The following DNAJC10 variants were observed in gnomAD, a reference collection of about 807,000 sequenced individuals.
The protein encoded by DNAJC10 is endoplasmic reticulum disulfide reductase DNAJC10.
DNAJC10 carries 101 observed loss-of-function variants against 115.0 expected under a neutral mutation model. That is an observed-to-expected ratio of 0.88 (90% CI 0.75 to 1.04). DNAJC10 has a LOEUF of 1.04. Among genes scored for constraint, DNAJC10 ranks in the 50% least tolerant of loss-of-function variants. The pLI, the probability that DNAJC10 is intolerant of heterozygous loss-of-function variation, is 0.00. For missense variants in DNAJC10, 981 were observed against 928.8 expected (o/e 1.06, Z -0.73); for synonymous variants, 307 against 301.5 (o/e 1.02, Z -0.19).
chr2:182,732,842 T>A (rs1264209791), intron 10 of DNAJC10: 2 of 385,034 alleles, frequency 5.2e-6, no homozygotes, highest in Non-Finnish European at 9.3e-6. Flanking sequence ...CTTTATCTTT[T>A]GTTGTTTTCT....
intron 5 of DNAJC10, among the ~76,000 whole-genome samples, chr2:182,725,087 A>G (rs574492018): frequency 6.6e-6 from 1 of 152,092 alleles, no homozygotes; most frequent in East Asian, 1.9e-4. Context: ...AAACTTTTTC[A>G]TTATTATTCT....
chr2:182,728,949 A>G lies in DNAJC10; in HGVS notation c.588A>G (p.Lys196=). Residue 196 remains lysine (K), a synonymous_variant, in exon 7 of 24, where the codon AAA becomes AAG. Coordinates refer to ENST00000264065, the MANE Select transcript of DNAJC10 (RefSeq NM_018981.4). ...ATGATAGAATGCTTTGCCGAATGAA[A>G]GGAGTCAACAGCTATCCCAGCCTCT... is the stretch of plus-strand genomic sequence containing the variant. The part of the protein sequence containing the change: ...CGDDRMLCRM[K]GVNSYPSLFI... The G allele has an allele frequency of 1.2e-6, 2 of 1,614,074 alleles. No homozygotes were observed. Among genetic ancestry groups the G allele is most frequent in the Admixed American group, 3.3e-5 (2 of 60,024 alleles).
rs1255244612 is a variant in DNAJC10 at position 182,787,441 on chromosome 2, T to C, written c.*10309T>C. 6.6e-6 allele frequency: 1 copy of C among 152,230 alleles called. No individual in the cohort carries two copies. Among genetic ancestry groups the C allele is most frequent in the Non-Finnish European group, 1.5e-5 (1 of 68,046 alleles). 9.4% of individuals were successfully genotyped at this position (152,230 alleles called of 1,614,324 possible). On this transcript the variant is annotated 3_prime_UTR_variant, in exon 24 of 24. Coordinates refer to ENST00000264065, the MANE Select transcript of DNAJC10 (RefSeq NM_018981.4). ...TCAAGAAGTTTATACAAACCCGTAATGTACTACCAAACCGTTCATTCATTA... is the reference window on the plus strand; with the variant it reads ...TCAAGAAGTTTATACAAACCCGTAACGTACTACCAAACCGTTCATTCATTA...
intron 22 of DNAJC10, among the ~76,000 whole-genome samples, chr2:182,770,912 T>G (rs1049063314): frequency 6.6e-6 from 1 of 152,226 alleles, no homozygotes; most frequent in African/African-American, 2.4e-5. Flanking sequence ...GCTTCCAGTC[T>G]TTGCCCATTC....
chr2:182,776,610 A>T (rs903973107), intron 23 of DNAJC10, among the ~76,000 whole-genome samples: 2 of 152,208 alleles, frequency 1.3e-5, no homozygotes, highest in African/African-American at 4.8e-5. Flanking sequence ...ACTGTAATCC[A>T]GTTCAAACTG....
At chr2:182,770,415 A>G (rs1005065922) in intron 22 of DNAJC10, among the ~76,000 whole-genome samples, 8 of 152,098 alleles carry the variant, frequency 5.3e-5, no homozygotes, top group African/African-American at 1.7e-4. Context: ...CAGTATGGCC[A>G]TTTTCACATT....
At chr2:182,745,695 T>A (rs1373078883) in intron 14 of DNAJC10, among the ~76,000 whole-genome samples, 1 of 151,662 alleles carries the variant, frequency 6.6e-6, no homozygotes, top group Non-Finnish European at 1.5e-5. Flanking sequence ...AATTTTTATT[T>A]TTTTTTTTTA....
intron 11 of DNAJC10, among the ~76,000 whole-genome samples, chr2:182,737,318 C>A (rs1693609498): frequency 6.6e-6 from 1 of 152,038 alleles, no homozygotes; most frequent in African/African-American, 2.4e-5. Context: ...CTTAGTTTTC[C>A]CTCTGTACTT....
intron 22 of DNAJC10, among the ~76,000 whole-genome samples, chr2:182,766,602 A>C (rs1386038386): frequency 6.6e-6 from 1 of 152,140 alleles, no homozygotes; most frequent in Non-Finnish European, 1.5e-5. Context: ...CTAAGATGCA[A>C]CTAACTTTTC....
At chr2:182,731,213 A>G in intron 9 of DNAJC10, 106 bp downstream of exon 9, 2 of 695,914 alleles carry the variant, frequency 2.9e-6, no homozygotes, top group Admixed American at 6.1e-5. Flanking sequence ...TAGAAACTAC[A>G]ATTTATGCCC....
chr2:182,771,220 G>A (rs1694553947), intron 22 of DNAJC10, among the ~76,000 whole-genome samples: 1 of 150,608 alleles, frequency 6.6e-6, no homozygotes, highest in African/African-American at 2.4e-5. Flanking sequence ...GTATTTTATT[G>A]AGGATTTTCA....
In DNAJC10 at chr2:182,791,278, T is replaced by G. The variant is rs903639426; in HGVS notation, c.*14146T>G. 2.6e-5 allele frequency: 4 copies of G among 152,114 alleles called. No individual in the cohort carries two copies. Among genetic ancestry groups the G allele is most frequent in the African/African-American group, 9.7e-5 (4 of 41,422 alleles). The allele number at this position is 152,114 out of a possible 1,614,324, so 9.4% of individuals were successfully genotyped here. A position where few individuals can be genotyped will look rare whatever the true frequency, so the allele number is the denominator to read the frequency against. ...CAACAAAAACTAGTATGCCTTGGTG[T>G]GAATAAACCTTAACATAGAAACTCA... On this transcript the variant is annotated 3_prime_UTR_variant, in exon 24 of 24. Coordinates refer to ENST00000264065, the MANE Select transcript of DNAJC10 (RefSeq NM_018981.4).
At chr2:182,728,780 G>T in intron 6 of DNAJC10, 83 bp from the exon 7 acceptor site, 1 of 1,532,392 alleles carries the variant, frequency 6.5e-7, no homozygotes. Context: ...TAAATGTCTG[G>T]TTTAAAAATA....
At chr2:182,716,778 C>T (rs1226575440) in intron 1 of DNAJC10, among the ~76,000 whole-genome samples, 1 of 152,200 alleles carries the variant, frequency 6.6e-6, no homozygotes, top group African/African-American at 2.4e-5. Flanking sequence ...TACCCCTCTC[C>T]CCTCTCCCAC....
rs1695032295 is a variant in DNAJC10 at position 182,790,631 on chromosome 2, C to CAAAAAATACAAAA, written c.*13505_*13506insTACAAAAAAAAAA. The CAAAAAATACAAAA allele has an allele frequency of 2.7e-5, 4 of 149,340 alleles. No homozygotes were observed. In the Admixed American group the frequency reaches 2.7e-4, roughly 10 times the overall value. The allele number at this position is 149,340 out of a possible 1,614,324, so 9.3% of individuals were successfully genotyped here. A position where few individuals can be genotyped will look rare whatever the true frequency, so the allele number is the denominator to read the frequency against. On this transcript the variant is annotated 3_prime_UTR_variant, in exon 24 of 24. Transcript: ENST00000264065. Reference sequence around the variant, plus strand: ...TGAAACGCCGTCTCTACTAAAAATACAAAAAAAAATGGCCAGGCGTGGTGG... The same window carrying CAAAAAATACAAAA: ...TGAAACGCCGTCTCTACTAAAAATACAAAAAATACAAAAAAAAAAAAATGGCCAGGCGTGGTGG...
In DNAJC10 at chr2:182,727,474, A is replaced by C. The variant is rs79329982; in HGVS notation, c.419-1102A>C. ...TTGTACTGGTTTGTGGTCTAAACCA[A>C]TATGGCAATTTTTTCGACCACCTCT... On this transcript the variant is annotated intron_variant, in intron 5 of 23. Coordinates refer to ENST00000264065, the MANE Select transcript of DNAJC10 (RefSeq NM_018981.4). Among the ~76,000 whole-genome samples the C allele has an allele frequency of 3.9e-5, 6 of 152,342 alleles. No homozygotes were observed. The East Asian group carries it at 1.2e-3, about 29-fold the overall frequency.
intron 18 of DNAJC10, among the ~76,000 whole-genome samples, 170 bp from the exon 19 acceptor site, chr2:182,757,522 A>G (rs1694187088): frequency 6.6e-6 from 1 of 152,204 alleles, no homozygotes; most frequent in Non-Finnish European, 1.5e-5. Flanking sequence ...TAGATTACAA[A>G]TTCATTAGTA....
rs1417389131 is a variant in DNAJC10, at chr2:182,793,630, T to C, written c.*16498T>C. On this transcript the variant is annotated 3_prime_UTR_variant, in exon 24 of 24. Transcript: ENST00000264065. Reference sequence around the variant, plus strand: ...CTCCAAATAAGGCAAGTTGGCAGCATGCAATTGGCTGTGACCTATCTGTTA... The same window carrying C: ...CTCCAAATAAGGCAAGTTGGCAGCACGCAATTGGCTGTGACCTATCTGTTA... 1 of 152,118 alleles carries C rather than the reference T, an allele frequency of 6.6e-6. No homozygotes were observed. Among genetic ancestry groups the C allele is most frequent in the Admixed American group, 6.6e-5 (1 of 15,266 alleles). 9.4% of individuals were successfully genotyped at this position (152,118 alleles called of 1,614,324 possible). A position where few individuals can be genotyped will look rare whatever the true frequency, so the allele number is the denominator to read the frequency against.
Position 182,778,067 on chromosome 2 carries a change from T to C in DNAJC10, c.*935T>C, listed in dbSNP as rs979095151. 2 of 150,742 alleles carry C rather than the reference T, an allele frequency of 1.3e-5. No homozygotes were observed. The highest frequency in any genetic ancestry group is 2.9e-5 in the Non-Finnish European group (2 of 68,024). The allele number at this position is 150,742 out of a possible 1,614,324, so 9.3% of individuals were successfully genotyped here. A position where few individuals can be genotyped will look rare whatever the true frequency, so the allele number is the denominator to read the frequency against. On this transcript the variant is annotated 3_prime_UTR_variant, in exon 24 of 24. Transcript: ENST00000264065. ...TAGAAATTTTCCCACTGATAGTTGATTTTTGAGGCATCTAATATTTACATA... is the reference window on the plus strand; with the variant it reads ...TAGAAATTTTCCCACTGATAGTTGACTTTTGAGGCATCTAATATTTACATA...
Sources: gnomAD v4.1 joint callset for allele counts (sites outside exome capture counted in the v4.1 genomes callset) on GRCh38, gnomAD v4.1.1 for gene constraint, MANE v1.5 for transcripts, NCBI Gene and HGNC (gene_info 2026-07-23, HGNC 2026-07-21) for gene names.